PABIR3: variants seen among roughly 807,000 people sequenced by gnomAD.
PABIR3 encodes the protein PABIR family member 3.
Under a neutral mutation model 23.1 loss-of-function variants are expected in PABIR3, and 20 were observed. The ratio of observed to expected loss-of-function variants is 0.86; its 90% CI spans 0.61 to 1.26. The LOEUF (loss-of-function observed/expected upper bound fraction) is 1.26, where lower values mean the gene tolerates loss of function less well. PABIR3 is among the 50% of genes most tolerant of loss of function. The pLI is 0.00. For missense variants in PABIR3, 189 were observed against 195.4 expected, an observed-to-expected ratio of 0.97 and a Z score of 0.20; for synonymous variants, 69 against 68.5, an observed-to-expected ratio of 1.01 and a Z score of -0.04.
chrX:134,857,581 CT>C (rs1258131488), downstream of PABIR3, among the ~76,000 whole-genome samples: 1 of 111,609 alleles, frequency 9.0e-6, no homozygotes, highest in Non-Finnish European at 1.9e-5. Context: ...CTTGTTTCAT[CT>C]TTCCTAAATT....
At chrX:134,805,892 C>T (rs1270681033), upstream of PABIR3, among the ~76,000 whole-genome samples, 3 of 108,644 alleles carry the variant, frequency 2.8e-5, no homozygotes, top group African/African-American at 1.0e-4. Context: ...AGCGAAACTC[C>T]GTCTCAAAAA....
downstream of PABIR3, among the ~76,000 whole-genome samples, chrX:134,858,368 TAAAA>T: frequency 8.9e-6 from 1 of 111,764 alleles, no homozygotes; most frequent in East Asian, 2.8e-4. Context: ...AATGAGCTAT[TAAAA>T]GCACATGAGT....
chrX:134,864,721 A>C, the PABIR3 span, among the ~76,000 whole-genome samples: 1 of 112,187 alleles, frequency 8.9e-6, no homozygotes, highest in South Asian at 3.6e-4. Context: ...GTTGATGGAC[A>C]TTTGGGTTAT....
chrX:134,856,254 C>G, downstream of PABIR3, among the ~76,000 whole-genome samples: 1 of 104,995 alleles, frequency 9.5e-6, no homozygotes, highest in Non-Finnish European at 1.9e-5. Flanking sequence ...GGCATGATCT[C>G]GGCTCACTGC....
chrX:134,820,899 G>A (rs2081240147), intron 3 of PABIR3, among the ~76,000 whole-genome samples: 1 of 108,428 alleles, frequency 9.2e-6, no homozygotes, highest in Non-Finnish European at 1.9e-5. Context: ...GCACGCGCCT[G>A]TAATCCCAGT....
At chrX:134,858,361 G>T (rs1051191762), downstream of PABIR3, among the ~76,000 whole-genome samples, 1 of 111,424 alleles carries the variant, frequency 9.0e-6, no homozygotes, top group Non-Finnish European at 1.9e-5. Context: ...CAAATCAAAT[G>T]AGCTATTAAA....
At chrX:134,838,813 C>T (rs1247493266) in intron 4 of PABIR3, 2 of 108,698 alleles carry the variant, frequency 1.8e-5, no homozygotes, top group East Asian at 6.0e-4. Context: ...CCTGCCTCAG[C>T]CTGCCGAGTG....
Position 134,836,145 on chromosome X carries a change from T to A in PABIR3, c.246+6863T>A, listed in dbSNP as rs754653822. Reference sequence around the variant, plus strand: ...GAGCCACTACGCCTGGCCATTTTTTTAAATTTTTGGAGAGATGACGTCTCC... The same window carrying A: ...GAGCCACTACGCCTGGCCATTTTTTAAAATTTTTGGAGAGATGACGTCTCC... On this transcript the variant is annotated intron_variant, in intron 4 of 10. Transcript: ENST00000645433. Among the ~76,000 whole-genome samples the A allele has an allele frequency of 6.1e-4, 68 of 112,002 alleles. No individual in the cohort carries two copies. The Middle Eastern group carries it at 0.014, about 23-fold the overall frequency.
upstream of PABIR3, among the ~76,000 whole-genome samples, chrX:134,803,651 C>T (rs190203852): frequency 8.9e-5 from 10 of 111,911 alleles, no homozygotes; most frequent in East Asian, 2.8e-3. Flanking sequence ...AAACAACAAC[C>T]TCTGTTTTTG....
downstream of PABIR3, among the ~76,000 whole-genome samples, chrX:134,855,491 A>C (rs1226785491): frequency 8.9e-6 from 1 of 112,008 alleles, no homozygotes; most frequent in African/African-American, 3.2e-5. Context: ...TAGTATTAGC[A>C]TTTTGAAAAA....
At chrX:134,842,690 G>A (rs2082276471) in intron 4 of PABIR3, among the ~76,000 whole-genome samples, 1 of 110,892 alleles carries the variant, frequency 9.0e-6, no homozygotes, top group Admixed American at 9.6e-5. Context: ...CTGAGGTCAG[G>A]AGTTTGAAAC....
chrX:134,806,048 G>A (rs970779510), upstream of PABIR3, among the ~76,000 whole-genome samples: 9 of 112,326 alleles, frequency 8.0e-5, no homozygotes, highest in South Asian at 2.5e-3. Flanking sequence ...TTAGCATGGA[G>A]TTAAGATTTC....
chrX:134,836,116 G>T (rs1270136071), intron 4 of PABIR3, among the ~76,000 whole-genome samples: 1 of 112,030 alleles, frequency 8.9e-6, no homozygotes, highest in Non-Finnish European at 1.9e-5. Context: ...GGGATTACAG[G>T]CATGAGCCAC....
At chrX:134,825,333 A>G (rs2081458392) in intron 3 of PABIR3, among the ~76,000 whole-genome samples, 1 of 111,670 alleles carries the variant, frequency 9.0e-6, no homozygotes, top group Non-Finnish European at 1.9e-5. Context: ...GGTAGTAGTA[A>G]TAGTTACCAT....
the PABIR3 span, among the ~76,000 whole-genome samples, chrX:134,863,950 G>A: frequency 1.5e-4 from 17 of 112,182 alleles, no homozygotes; most frequent in East Asian, 5.5e-4. Context: ...CTGCATCTTC[G>A]TACACAGGAT....
chrX:134,798,574 A>G (rs867183368), intron 1 of PABIR3, among the ~76,000 whole-genome samples: 4 of 112,378 alleles, frequency 3.6e-5, no homozygotes, highest in Non-Finnish European at 7.5e-5. Flanking sequence ...CACCAATGAC[A>G]AATCTTTGAC....
intron 2 of PABIR3, among the ~76,000 whole-genome samples, chrX:134,812,932 G>A (rs1027888534): frequency 2.7e-5 from 3 of 111,731 alleles, no homozygotes; most frequent in African/African-American, 6.5e-5. Flanking sequence ...TTACCAATCC[G>A]TGCTTTTAAA....
intron 2 of PABIR3, among the ~76,000 whole-genome samples, chrX:134,812,592 G>T (rs937191209): frequency 9.0e-6 from 1 of 111,507 alleles, no homozygotes; most frequent in Non-Finnish European, 1.9e-5. Flanking sequence ...AGATAAGTGC[G>T]TAGGGAGCTT....
the PABIR3 span, among the ~76,000 whole-genome samples, chrX:134,860,168 C>T: frequency 9.0e-6 from 1 of 110,534 alleles, no homozygotes; most frequent in Non-Finnish European, 1.9e-5. Context: ...TTTCAGTTCA[C>T]TGCAGCTTCC....
Sources: gnomAD v4.1 joint callset for allele counts (sites outside exome capture counted in the v4.1 genomes callset) on GRCh38, gnomAD v4.1.1 for gene constraint, MANE v1.5 for transcripts, NCBI Gene and HGNC (gene_info 2026-07-23, HGNC 2026-07-21) for gene names.